GABRG3: variants seen among roughly 807,000 people sequenced by gnomAD.
GABRG3 encodes gamma-aminobutyric acid receptor subunit gamma-3.
A neutral mutation model predicts 48.8 loss-of-function variants in GABRG3; 25 were observed. The ratio of observed to expected loss-of-function variants is 0.51; its 90% CI spans 0.37 to 0.72. GABRG3 has a LOEUF of 0.72. Ranked by LOEUF, GABRG3 falls within the 30% of genes least tolerant of loss-of-function variation. The pLI is 0.00. For missense variants in GABRG3, 394 were observed against 577.9 expected (o/e 0.68, Z 3.26); for synonymous variants, 227 against 217.6 (o/e 1.04, Z -0.38).
intron 3 of GABRG3, among the ~76,000 whole-genome samples, chr15:27,193,185 G>A (rs556216465): frequency 6.6e-6 from 1 of 152,336 alleles, no homozygotes; most frequent in African/African-American, 2.4e-5. Context: ...CCCACATGAG[G>A]AGGCAGTCTG....
intron 3 of GABRG3, among the ~76,000 whole-genome samples, chr15:27,239,407 A>G (rs1392859757): frequency 6.6e-6 from 1 of 152,222 alleles, no homozygotes; most frequent in African/African-American, 2.4e-5. Context: ...TCACAGAAGA[A>G]TATTCGCTAA....
At chr15:27,439,813 G>A (rs1470957924) in intron 5 of GABRG3, among the ~76,000 whole-genome samples, 1 of 152,174 alleles carries the variant, frequency 6.6e-6, no homozygotes, top group African/African-American at 2.4e-5. Context: ...ACAGATCACT[G>A]GGTTATTAGT....
rs904330839 is a variant in GABRG3, at chr15:26,974,879, A to C, written c.54-2123A>C. On this transcript the variant is annotated intron_variant, in intron 1 of 9. Transcript: ENST00000615808. This position sits in a 1 kb window ranked among gnomAD's most constrained non-coding sequence, Gnocchi z 4.3. ...TATTATTATTATTATTATTATTATT[A>C]TTATTATTATTTGAGATGGAGTCTC... 5.0e-5 allele frequency among the ~76,000 whole-genome samples: 7 copies of C among 140,390 alleles called. No homozygotes were observed. Among genetic ancestry groups the C allele is most frequent in the African/African-American group, 2.0e-4 (7 of 35,278 alleles). 92.1% of individuals were successfully genotyped at this position (140,390 alleles called of 152,430 possible).
chr15:27,330,756 G>GT (rs1893776428), intron 5 of GABRG3, among the ~76,000 whole-genome samples: 1 of 152,246 alleles, frequency 6.6e-6, no homozygotes, highest in Non-Finnish European at 1.5e-5. Flanking sequence ...TCTGGAATTA[G>GT]TTGGCAATGA....
chr15:27,498,640 G>A (rs773416710), intron 6 of GABRG3, among the ~76,000 whole-genome samples: 8 of 152,094 alleles, frequency 5.3e-5, no homozygotes, highest in Middle Eastern at 6.8e-3. Flanking sequence ...ACAGGTGCAC[G>A]CCACCATGCC....
At chr15:27,369,845 A>G (rs1895346655) in intron 5 of GABRG3, among the ~76,000 whole-genome samples, 1 of 148,206 alleles carries the variant, frequency 6.7e-6, no homozygotes, top group Admixed American at 6.7e-5. Context: ...TTATGGTATC[A>G]TACTAAGAAA....
rs188428167 is a variant in GABRG3, at chr15:27,204,786, A to C, written c.271-122023A>C. Among the ~76,000 whole-genome samples, 17 of 151,964 alleles carry C rather than the reference A, an allele frequency of 1.1e-4. No homozygotes were observed. The East Asian group carries it at 3.1e-3, about 28-fold the overall frequency. On this transcript the variant is annotated intron_variant, in intron 3 of 9. Transcript: ENST00000615808. ...GTCTAGCTGTATTTCTACATATGTCATTCTTTTTGTGGCCATTGTGAGTGA... is the reference window on the plus strand; with the variant it reads ...GTCTAGCTGTATTTCTACATATGTCCTTCTTTTTGTGGCCATTGTGAGTGA...
intron 3 of GABRG3, among the ~76,000 whole-genome samples, chr15:27,184,864 G>A (rs533923863): frequency 6.6e-6 from 1 of 152,248 alleles, no homozygotes; most frequent in African/African-American, 2.4e-5. Flanking sequence ...TTTAATGGCT[G>A]CGAGAGGTGT....
intron 5 of GABRG3, among the ~76,000 whole-genome samples, chr15:27,342,566 C>T (rs995449776): frequency 6.6e-6 from 1 of 152,166 alleles, no homozygotes; most frequent in Non-Finnish European, 1.5e-5. Flanking sequence ...AGAAAAGAAA[C>T]GTGGAAATGC....
chr15:27,461,442 G>T (rs1446127482), intron 5 of GABRG3, among the ~76,000 whole-genome samples: 1 of 152,114 alleles, frequency 6.6e-6, no homozygotes, highest in Non-Finnish European at 1.5e-5. Context: ...TGAAGCCTCG[G>T]ACCCTCGGGT....
At chr15:27,449,909 T>C (rs1889058665) in intron 5 of GABRG3, among the ~76,000 whole-genome samples, 1 of 152,250 alleles carries the variant, frequency 6.6e-6, no homozygotes, top group Non-Finnish European at 1.5e-5. Flanking sequence ...TCTTAAGGTA[T>C]ATGAAAGTGC....
chr15:27,366,235 G>A (rs1479336829), intron 5 of GABRG3: 2 of 152,178 alleles, frequency 1.3e-5, no homozygotes, highest in Admixed American at 1.3e-4. Flanking sequence ...ATGGCAGAAG[G>A]AGCCCCAAGA....
intron 5 of GABRG3, among the ~76,000 whole-genome samples, chr15:27,433,825 A>T (rs929499642): frequency 2.6e-5 from 4 of 152,230 alleles, no homozygotes; most frequent in Non-Finnish European, 5.9e-5. Context: ...GGGGAATCAC[A>T]GTCATAAATC....
intron 3 of GABRG3, among the ~76,000 whole-genome samples, chr15:27,162,051 T>C (rs1887211745): frequency 6.6e-6 from 1 of 152,162 alleles, no homozygotes; most frequent in South Asian, 2.1e-4. Context: ...GGAAAATTTA[T>C]GCAATAAAAC....
At chr15:27,190,730 G>T (rs1297782203) in intron 3 of GABRG3, among the ~76,000 whole-genome samples, 1 of 151,828 alleles carries the variant, frequency 6.6e-6, no homozygotes, top group Non-Finnish European at 1.5e-5. Context: ...ATTTCCTTCA[G>T]TTCTGCTCTG....
intron 8 of GABRG3, 88 bp downstream of exon 8, chr15:27,527,717 G>T: frequency 2.4e-6 from 3 of 1,276,394 alleles, no homozygotes; most frequent in Non-Finnish European, 3.3e-6. Context: ...TATTCCTAAG[G>T]ATCGTACAAA....
chr15:27,403,928 A>AAC (rs1887552518), intron 5 of GABRG3, among the ~76,000 whole-genome samples: 3 of 107,472 alleles, frequency 2.8e-5, no homozygotes, highest in African/African-American at 1.4e-4. Flanking sequence ...AAAAAAAAAA[A>AAC]CAAAAAAAAA....
At position 27,180,803 on chromosome 15, in the gene GABRG3, G is replaced by T. The variant is rs1887906416; in HGVS notation, c.271-146006G>T. Among the ~76,000 whole-genome samples, 1 of 152,134 alleles carries T rather than the reference G, an allele frequency of 6.6e-6. No individual in the cohort carries two copies. Among genetic ancestry groups the T allele is most frequent in the African/African-American group, 2.4e-5 (1 of 41,422 alleles). On this transcript the variant is annotated intron_variant, in intron 3 of 9. Coordinates refer to ENST00000615808, the MANE Select transcript of GABRG3 (RefSeq NM_033223.5). This position sits in a 1 kb window ranked among gnomAD's most constrained non-coding sequence, Gnocchi z 4.2. The stretch of plus-strand genomic sequence containing the variant: ...TAATGCTCTTATCCACTCACATTTT[G>T]TCACTATCAGCATATATACCCCATG...
intron 3 of GABRG3, among the ~76,000 whole-genome samples, chr15:27,273,506 A>G (rs1025513172): frequency 5.9e-5 from 9 of 152,196 alleles, no homozygotes; most frequent in Non-Finnish European, 2.9e-5. Context: ...TGTCTTCAGT[A>G]GGTAGCAAGA....
Sources: gnomAD v4.1 joint callset for allele counts (sites outside exome capture counted in the v4.1 genomes callset) on GRCh38, gnomAD v4.1.1 for gene constraint, Gnocchi (gnomAD v3.1) non-coding constraint, MANE v1.5 for transcripts, NCBI Gene and HGNC (gene_info 2026-07-23, HGNC 2026-07-21) for gene names.